The following AP1S3 variants were observed in gnomAD, a reference collection of about 807,000 sequenced individuals.
The protein encoded by AP1S3 is AP-1 complex subunit sigma-3.
A neutral mutation model predicts 20.9 loss-of-function variants in AP1S3; 10 were observed. That is an observed-to-expected ratio of 0.48 (90% CI 0.29 to 0.81). The LOEUF (loss-of-function observed/expected upper bound fraction) is 0.81. Ranked by LOEUF, AP1S3 falls within the 30% of genes least tolerant of loss-of-function variation. The pLI is 0.08. For missense variants in AP1S3, 154 were observed against 183.8 expected, an observed-to-expected ratio of 0.84 and a Z score of 0.94; for synonymous variants, 41 against 61.5, an observed-to-expected ratio of 0.67 and a Z score of 1.56.
intron 1 of AP1S3, among the ~76,000 whole-genome samples, chr2:223,804,954 G>A (rs1406890799): frequency 2.0e-5 from 3 of 152,112 alleles, no homozygotes; most frequent in Non-Finnish European, 4.4e-5. Context: ...AATGATTTAG[G>A]CTTAAAACTT....
Position 223,757,455 on chromosome 2 carries a change from T to G in AP1S3, c.*1260A>C. The G allele has an allele frequency of 2.8e-6, 1 of 355,384 alleles. No homozygotes were observed. The highest frequency in any genetic ancestry group is 3.9e-6 in the Non-Finnish European group (1 of 254,474). The allele number at this position is 355,384 out of a possible 1,614,324, so 22.0% of individuals were successfully genotyped here. ...GCATGAGCCACTGTACCCGGCCTAA[T>G]TTTTGTATTTTTAGTAGAGATGGGG... is the stretch of plus-strand genomic sequence containing the variant. On this transcript the variant is annotated 3_prime_UTR_variant, in exon 5 of 5. Transcript: ENST00000396654.
In AP1S3 at chr2:223,758,613, T is replaced by C; in HGVS notation, c.*102A>G. The C allele has an allele frequency of 7.1e-7, 1 of 1,408,286 alleles. No homozygotes were observed. The highest frequency in any genetic ancestry group is 9.3e-7 in the Non-Finnish European group (1 of 1,076,468). 87.2% of individuals were successfully genotyped at this position (1,408,286 alleles called of 1,614,324 possible). ...TAACAAAGAATCCCTTTAAATTATT[T>C]TTGGCATGGTGCCTGAGGCTCCATC... is the stretch of plus-strand genomic sequence containing the variant. On this transcript the variant is annotated 3_prime_UTR_variant, in exon 5 of 5. Coordinates refer to ENST00000396654, the MANE Select transcript of AP1S3 (RefSeq NM_001039569.2).
chr2:223,775,329 T>C (rs1159760355), intron 3 of AP1S3, among the ~76,000 whole-genome samples: 1 of 152,214 alleles, frequency 6.6e-6, no homozygotes, highest in Non-Finnish European at 1.5e-5. Context: ...GGTTTTTTGT[T>C]TGTTGCTATT....
intron 1 of AP1S3, among the ~76,000 whole-genome samples, chr2:223,822,233 A>C (rs1692003907): frequency 6.6e-6 from 1 of 151,848 alleles, no homozygotes; most frequent in African/African-American, 2.4e-5. Flanking sequence ...CTACAAAAAA[A>C]ATAGAAAAAA....
chr2:223,762,027 C>T (rs572030414), intron 4 of AP1S3, among the ~76,000 whole-genome samples: 2 of 152,226 alleles, frequency 1.3e-5, no homozygotes, highest in East Asian at 1.9e-4. Flanking sequence ...GGCTAGAGTG[C>T]AGTGGCATGA....
At chr2:223,801,642 C>A (rs1454358748) in intron 1 of AP1S3, among the ~76,000 whole-genome samples, 1 of 152,130 alleles carries the variant, frequency 6.6e-6, no homozygotes, top group Non-Finnish European at 1.5e-5. Flanking sequence ...TGGGGTTTCA[C>A]CATGTTGGCC....
intron 1 of AP1S3, among the ~76,000 whole-genome samples, chr2:223,834,068 C>A (rs1448563303): frequency 6.6e-6 from 1 of 152,048 alleles, no homozygotes; most frequent in Non-Finnish European, 1.5e-5. Flanking sequence ...GCCACCACAC[C>A]CAGCTAATTT....
intron 1 of AP1S3, among the ~76,000 whole-genome samples, chr2:223,833,891 TTTA>T (rs1320085358): frequency 3.5e-5 from 5 of 142,254 alleles, no homozygotes; most frequent in Non-Finnish European, 6.0e-5. Flanking sequence ...TTTTTATTTA[TTTA>T]TTTATTTATT....
chr2:223,764,237 G>A (rs1433968341), intron 4 of AP1S3, among the ~76,000 whole-genome samples: 1 of 152,056 alleles, frequency 6.6e-6, no homozygotes, highest in Non-Finnish European at 1.5e-5. Flanking sequence ...ATTTTAAAAA[G>A]GTGCTTTACA....
intron 1 of AP1S3, among the ~76,000 whole-genome samples, chr2:223,784,454 A>G (rs5025956): frequency 0.14 from 20,610 of 151,878 alleles, 1,798 homozygotes; most frequent in East Asian, 0.25. Flanking sequence ...AGAGCACAAC[A>G]CTTCTCATGT....
At chr2:223,812,410 T>C (rs1691753382) in intron 1 of AP1S3, among the ~76,000 whole-genome samples, 1 of 152,078 alleles carries the variant, frequency 6.6e-6, no homozygotes, top group Non-Finnish European at 1.5e-5. Context: ...TTAGTAGAGA[T>C]GGGGTTTTGC....
At chr2:223,801,819 CAG>C (rs1468465531) in intron 1 of AP1S3, among the ~76,000 whole-genome samples, 2 of 152,080 alleles carry the variant, frequency 1.3e-5, no homozygotes, top group Non-Finnish European at 2.9e-5. Flanking sequence ...TAAAAACAAG[CAG>C]AGAGGCCAAA....
chr2:223,793,822 T>C (rs1691272177), intron 1 of AP1S3, among the ~76,000 whole-genome samples: 1 of 152,102 alleles, frequency 6.6e-6, no homozygotes, highest in East Asian at 1.9e-4. Context: ...TTTTGTTTGT[T>C]TTTGTTTTGA....
chr2:223,780,273 G>T (rs1690889354), intron 1 of AP1S3, among the ~76,000 whole-genome samples: 1 of 72,482 alleles, frequency 1.4e-5, no homozygotes, highest in Non-Finnish European at 2.6e-5. Context: ...ACCATGCCTG[G>T]CTAATATATA....
chr2:223,762,196 C>A (rs1292355796), intron 4 of AP1S3, among the ~76,000 whole-genome samples: 2 of 150,570 alleles, frequency 1.3e-5, no homozygotes, highest in Non-Finnish European at 2.9e-5. Context: ...TGGTCTTGAA[C>A]ACCTGACCTC....
intron 4 of AP1S3, among the ~76,000 whole-genome samples, chr2:223,759,212 G>T (rs1052809253): frequency 5.3e-5 from 8 of 152,028 alleles, no homozygotes; most frequent in Admixed American, 4.6e-4. Flanking sequence ...CCGGGAGGCG[G>T]AGGTTGAAGT....
At chr2:223,819,724 AAGATTATAGTAC>A (rs1316481804) in intron 1 of AP1S3, among the ~76,000 whole-genome samples, 2 of 152,146 alleles carry the variant, frequency 1.3e-5, no homozygotes, top group African/African-American at 4.8e-5. Context: ...TTCCATAGTC[AAGATTATAGTAC>A]AGAATATAAT....
intron 1 of AP1S3, among the ~76,000 whole-genome samples, chr2:223,837,005 G>A (rs1692417065): frequency 6.6e-6 from 1 of 151,990 alleles, no homozygotes; most frequent in African/African-American, 2.4e-5. Flanking sequence ...ACTCCACCCG[G>A]TTGTATTTGA....
Position 223,776,005 on chromosome 2 carries a change from C to T in AP1S3, c.187G>A (p.Ala63Thr). 1.2e-6 allele frequency: 2 copies of T among 1,612,666 alleles called. No individual in the cohort carries two copies. Among genetic ancestry groups the T allele is most frequent in the Non-Finnish European group, 1.7e-6 (2 of 1,178,874 alleles). The stretch of plus-strand genomic sequence containing the variant: ...ATTGCACAGCAAAAATATAAACTAG[C>T]ATACCTTGAAATGAAAAATAACAAA... ...KELKLVYKRY[A>T]SLYFCCAIEN... Residue 63 changes from alanine (A) to threonine (T), a missense_variant, in exon 3 of 5, where the codon GCT (alanine) becomes ACT (threonine). Transcript: ENST00000396654.
Sources: allele counts gnomAD v4.1 joint callset (sites outside exome capture counted in the v4.1 genomes callset), GRCh38; gene constraint gnomAD v4.1.1; transcripts MANE v1.5; gene names NCBI Gene and HGNC (gene_info 2026-07-23, HGNC 2026-07-21).